Variants in AFF3 observed in about 807,000 individuals in gnomAD.
The protein encoded by AFF3 is AF4/FMR2 family member 3.
A neutral mutation model predicts 129.7 loss-of-function variants in AFF3; 32 were observed. That is an observed-to-expected ratio of 0.25 (90% CI 0.19 to 0.33). AFF3 has a LOEUF of 0.33. AFF3 is among the 10% of genes least tolerant of loss of function. The pLI, the probability that AFF3 is intolerant of heterozygous loss-of-function variation, is 1.00. For missense variants in AFF3, 1,373 were observed against 1,592.0 expected (o/e 0.86, Z 2.34); for synonymous variants, 644 against 635.4 (o/e 1.01, Z -0.20).
chr2:99,899,686 G>A (rs370727162), intron 7 of AFF3, among the ~76,000 whole-genome samples: 5 of 152,146 alleles, frequency 3.3e-5, no homozygotes, highest in Non-Finnish European at 5.9e-5. Context: ...AGTAGCTACC[G>A]ACATAGAAAC....
chr2:99,867,934 G>A (rs1691556427), intron 7 of AFF3, among the ~76,000 whole-genome samples: 1 of 152,188 alleles, frequency 6.6e-6, no homozygotes, highest in African/African-American at 2.4e-5. Flanking sequence ...GGGCGAGGCG[G>A]GCACGTGGAG....
intron 13 of AFF3, among the ~76,000 whole-genome samples, chr2:99,633,528 T>C (rs1381782020): frequency 6.6e-6 from 1 of 152,170 alleles, no homozygotes; most frequent in Non-Finnish European, 1.5e-5. Flanking sequence ...AATATGGTTT[T>C]TCTGTCCCCC....
chr2:99,604,172 C>T (rs749727645), intron 13 of AFF3, among the ~76,000 whole-genome samples: 9 of 152,190 alleles, frequency 5.9e-5, no homozygotes, highest in Admixed American at 5.2e-4. Context: ...CACATGCACG[C>T]GTATGTTCAC....
At chr2:99,892,725 T>C (rs1411302341) in intron 7 of AFF3, among the ~76,000 whole-genome samples, 1 of 152,212 alleles carries the variant, frequency 6.6e-6, no homozygotes, top group East Asian at 1.9e-4. Context: ...CTGCTGAGAA[T>C]GGCTCAGGGG....
intron 12 of AFF3, among the ~76,000 whole-genome samples, chr2:99,661,969 G>C (rs1163205962): frequency 6.6e-6 from 1 of 152,074 alleles, no homozygotes; most frequent in Non-Finnish European, 1.5e-5. Flanking sequence ...GTGAAACCCC[G>C]TCTCTACTAA....
At chr2:99,669,854 G>A (rs191564985) in intron 12 of AFF3, among the ~76,000 whole-genome samples, 183 of 152,290 alleles carry the variant, frequency 1.2e-3, no homozygotes, top group African/African-American at 4.3e-3. Flanking sequence ...GGAGGCCGAG[G>A]CAGCAGAATC....
At chr2:99,988,583 A>G (rs953110176) in intron 7 of AFF3, among the ~76,000 whole-genome samples, 6 of 152,336 alleles carry the variant, frequency 3.9e-5, no homozygotes, top group Non-Finnish European at 8.8e-5. Context: ...ACAAAAAACC[A>G]TTTTGTGGCC....
chr2:99,921,341 G>C (rs1695845075), intron 7 of AFF3, among the ~76,000 whole-genome samples: 1 of 152,066 alleles, frequency 6.6e-6, no homozygotes, highest in African/African-American at 2.4e-5. Flanking sequence ...AAAGACAAGG[G>C]AAGACTGAGG....
chr2:99,947,100 A>T (rs191719050), intron 7 of AFF3, among the ~76,000 whole-genome samples: 1 of 152,224 alleles, frequency 6.6e-6, no homozygotes, highest in Non-Finnish European at 1.5e-5. Context: ...AACTGAATAT[A>T]AAGGCGCATA....
chr2:99,814,356 G>A (rs1244940428), intron 8 of AFF3, among the ~76,000 whole-genome samples: 1 of 152,054 alleles, frequency 6.6e-6, no homozygotes, highest in Non-Finnish European at 1.5e-5. Flanking sequence ...CTGAGATATA[G>A]CACAGAAGGG....
chr2:100,129,380 CTCTGTG>C (rs1314085052), intron 1 of AFF3, 74 bp from the exon 2 acceptor site: 23 of 69,234 alleles, frequency 3.3e-4, no homozygotes, highest in African/African-American at 1.2e-3. Flanking sequence ...TGTCCTATAA[CTCTGTG>C]TGTGTGTGTG....
chr2:99,618,515 T>C (rs1393167154), intron 13 of AFF3, among the ~76,000 whole-genome samples: 2 of 152,024 alleles, frequency 1.3e-5, no homozygotes, highest in African/African-American at 4.8e-5. Context: ...GGATCACAGG[T>C]GTGAGCCACC....
At chr2:99,948,399 C>T (rs72819149) in intron 7 of AFF3, among the ~76,000 whole-genome samples, 1 of 152,092 alleles carries the variant, frequency 6.6e-6, no homozygotes, top group African/African-American at 2.4e-5. Flanking sequence ...CATCTCCCTG[C>T]CCCATTACAC....
chr2:99,812,494 C>T (rs909303468), intron 8 of AFF3, among the ~76,000 whole-genome samples: 8 of 152,184 alleles, frequency 5.3e-5, no homozygotes, highest in African/African-American at 1.9e-4. Flanking sequence ...CAAATTCTCA[C>T]GTACACGGCA....
At chr2:100,082,405 G>GC (rs1342985813) in intron 4 of AFF3, among the ~76,000 whole-genome samples, 1 of 151,470 alleles carries the variant, frequency 6.6e-6, no homozygotes, top group Non-Finnish European at 1.5e-5. Flanking sequence ...CACATACTTG[G>GC]CAAAAGAATG....
At chr2:99,908,407 A>T (rs1694871846) in intron 7 of AFF3, among the ~76,000 whole-genome samples, 1 of 152,250 alleles carries the variant, frequency 6.6e-6, no homozygotes, top group Non-Finnish European at 1.5e-5. Flanking sequence ...CATTCAGGAC[A>T]TAGGCATGGG....
chr2:99,561,638 A>G (rs1675485911), intron 20 of AFF3, among the ~76,000 whole-genome samples: 2 of 152,200 alleles, frequency 1.3e-5, no homozygotes, highest in South Asian at 4.1e-4. Flanking sequence ...TTGGCCTCCT[A>G]AAGTGCTGTA....
intron 11 of AFF3, among the ~76,000 whole-genome samples, chr2:99,682,910 G>A (rs1358088974): frequency 6.6e-6 from 1 of 152,208 alleles, no homozygotes; most frequent in South Asian, 2.1e-4. Context: ...ACCCTTCTGT[G>A]AATAATGCCT....
intron 4 of AFF3, among the ~76,000 whole-genome samples, chr2:100,087,320 T>C (rs2105388644): frequency 6.6e-6 from 1 of 152,332 alleles, no homozygotes; most frequent in Non-Finnish European, 1.5e-5. Context: ...TAACATCTTA[T>C]GAGCATATTC....
Sources: gnomAD v4.1 joint callset for allele counts (sites outside exome capture counted in the v4.1 genomes callset) on GRCh38, gnomAD v4.1.1 for gene constraint, MANE v1.5 for transcripts, NCBI Gene and HGNC (gene_info 2026-07-23, HGNC 2026-07-21) for gene names.